Variants in XRCC4 observed in about 807,000 individuals in gnomAD.
XRCC4 encodes the protein DNA repair protein XRCC4.
In XRCC4, 28 loss-of-function variants were observed where a neutral mutation model predicts 39.1. The observed-to-expected ratio is 0.72, with a 90% CI of 0.53 to 0.98. XRCC4 has a LOEUF of 0.98. Among genes scored for constraint, XRCC4 ranks in the 50% least tolerant of loss-of-function variants. XRCC4 has a pLI of 0.00. For synonymous variants in XRCC4, 123 were observed against 126.4 expected (o/e 0.97, Z 0.18); for missense variants, 350 against 376.4 (o/e 0.93, Z 0.58).
At chr5:83,325,237 C>G (rs1198887414) in intron 7 of XRCC4, among the ~76,000 whole-genome samples, 2 of 152,116 alleles carry the variant, frequency 1.3e-5, no homozygotes, top group Non-Finnish European at 2.9e-5. Flanking sequence ...AGGCAATTTT[C>G]TTCCAAATTT....
intron 6 of XRCC4, among the ~76,000 whole-genome samples, chr5:83,212,079 T>C (rs1346820121): frequency 3.3e-5 from 5 of 151,992 alleles, no homozygotes; most frequent in Admixed American, 1.3e-4. Flanking sequence ...TATATATATA[T>C]ACACACATAC....
chr5:83,321,893 C>T (rs1470542783), intron 7 of XRCC4, among the ~76,000 whole-genome samples: 1 of 151,284 alleles, frequency 6.6e-6, no homozygotes, highest in African/African-American at 2.4e-5. Flanking sequence ...ACCAGGAAAC[C>T]AGCCAAGCAT....
intron 7 of XRCC4, among the ~76,000 whole-genome samples, chr5:83,341,634 GAAGT>G (rs1756763127): frequency 6.6e-6 from 1 of 151,948 alleles, no homozygotes; most frequent in Non-Finnish European, 1.5e-5. Flanking sequence ...CTCTGGAGTA[GAAGT>G]AAGAGTTAGT....
At chr5:83,167,326 T>C (rs908736316) in intron 3 of XRCC4, among the ~76,000 whole-genome samples, 3 of 152,034 alleles carry the variant, frequency 2.0e-5, no homozygotes, top group Admixed American at 2.0e-4. Flanking sequence ...GAACACTCAA[T>C]AAGTATCCAG....
chr5:83,136,515 G>A (rs55688404), intron 3 of XRCC4, among the ~76,000 whole-genome samples: 2,650 of 152,094 alleles, frequency 0.017, 67 homozygotes, highest in African/African-American at 0.061. Flanking sequence ...GACTATCATC[G>A]TTCCCCAACT....
intron 1 of XRCC4, among the ~76,000 whole-genome samples, chr5:83,102,501 A>G (rs899838529): frequency 6.6e-6 from 1 of 152,130 alleles, no homozygotes; most frequent in African/African-American, 2.4e-5. Context: ...AATCCTCAGC[A>G]GACATATCCA....
At chr5:83,164,510 T>C (rs1646501946) in intron 3 of XRCC4, among the ~76,000 whole-genome samples, 1 of 152,114 alleles carries the variant, frequency 6.6e-6, no homozygotes, top group Non-Finnish European at 1.5e-5. Context: ...TGGAGATCTG[T>C]TGTGCAGCAT....
intron 7 of XRCC4, among the ~76,000 whole-genome samples, chr5:83,325,360 A>G (rs917790800): frequency 1.3e-5 from 2 of 152,008 alleles, no homozygotes; most frequent in Admixed American, 6.6e-5. Context: ...GGTTTGATAC[A>G]TAGGTAAATG....
chr5:83,364,435 A>G, the XRCC4 span, among the ~76,000 whole-genome samples: 2 of 152,132 alleles, frequency 1.3e-5, no homozygotes, highest in African/African-American at 4.8e-5. Flanking sequence ...TTATAAGAAT[A>G]CTAAAAAAAA....
intron 6 of XRCC4, among the ~76,000 whole-genome samples, chr5:83,229,659 C>CTTTTTTTTTTTTTTTTTTTT: frequency 9.6e-6 from 1 of 103,718 alleles, no homozygotes; most frequent in Non-Finnish European, 1.9e-5. Flanking sequence ...AATGTTTAAA[C>CTTTTTTTTTTTTTTTTTTTT]TTTTTTTTTT....
intron 3 of XRCC4, among the ~76,000 whole-genome samples, chr5:83,128,610 A>T (rs1747396529): frequency 2.0e-5 from 3 of 152,060 alleles, no homozygotes; most frequent in Admixed American, 6.5e-5. Flanking sequence ...AGTGTTCCTA[A>T]TTCTCCAGAT....
intron 3 of XRCC4, among the ~76,000 whole-genome samples, chr5:83,178,015 T>A (rs1750037310): frequency 1.3e-5 from 2 of 151,914 alleles, no homozygotes; most frequent in Admixed American, 1.3e-4. Context: ...GAGATTGAGA[T>A]AAGGGGGACA....
rs140571849 is a variant in XRCC4 at position 83,135,228 on chromosome 5, T to A, written c.315+24025T>A. The stretch of plus-strand genomic sequence containing the variant: ...CTCATGCTCTGTGGGCTGCACCCAC[T>A]GTCTCACAAGTCCCAGTGAGATGTA... On this transcript the variant is annotated intron_variant, in intron 3 of 7. Transcript: ENST00000396027. Among the ~76,000 whole-genome samples, 710 of 152,272 alleles carry A rather than the reference T, an allele frequency of 4.7e-3. 1 individual carries two copies. The highest frequency in any genetic ancestry group is 0.012 in the Admixed American group (185 of 15,292).
At chr5:83,250,494 A>G (rs1753265002) in intron 6 of XRCC4, among the ~76,000 whole-genome samples, 1 of 152,204 alleles carries the variant, frequency 6.6e-6, no homozygotes, top group African/African-American at 2.4e-5. Context: ...GTCTTGATCT[A>G]TCAGTGGATA....
chr5:83,106,588 G>A (rs10078084), intron 2 of XRCC4, among the ~76,000 whole-genome samples: 63,512 of 151,430 alleles, frequency 0.42, 13,973 homozygotes, highest in African/African-American at 0.52. Flanking sequence ...GGGGAAAAAA[G>A]AACACTCCAT....
chr5:83,163,644 CAG>C (rs1315628843), intron 3 of XRCC4, among the ~76,000 whole-genome samples: 2 of 152,180 alleles, frequency 1.3e-5, no homozygotes, highest in East Asian at 3.8e-4. Flanking sequence ...GAGTCTATGA[CAG>C]GGAATTGTCT....
At chr5:83,228,744 G>A (rs960222792) in intron 6 of XRCC4, among the ~76,000 whole-genome samples, 5 of 151,978 alleles carry the variant, frequency 3.3e-5, no homozygotes, top group African/African-American at 1.2e-4. Flanking sequence ...CTAAACTTAG[G>A]TAGAGTGTAC....
chr5:83,250,518 C>A (rs1223656438), intron 6 of XRCC4, among the ~76,000 whole-genome samples: 1 of 152,134 alleles, frequency 6.6e-6, no homozygotes, highest in African/African-American at 2.4e-5. Context: ...CAAACTAAGT[C>A]CCTGCCTTCA....
chr5:83,348,252 C>A (rs1756977678), intron 7 of XRCC4, among the ~76,000 whole-genome samples: 1 of 152,210 alleles, frequency 6.6e-6, no homozygotes, highest in Non-Finnish European at 1.5e-5. Context: ...AGGGCTCCAA[C>A]CACACATTTT....
Sources: gnomAD v4.1 joint callset for allele counts (sites outside exome capture counted in the v4.1 genomes callset) on GRCh38, gnomAD v4.1.1 for gene constraint, MANE v1.5 for transcripts, NCBI Gene and HGNC (gene_info 2026-07-23, HGNC 2026-07-21) for gene names.